Variants in MON2 observed in about 807,000 individuals in gnomAD.
MON2 encodes the protein MON2 regulator of endosome-to-Golgi trafficking.
MON2 carries 84 observed loss-of-function variants against 208.6 expected under a neutral mutation model. The observed-to-expected ratio is 0.40, with a 90% confidence interval of 0.34 to 0.48. The LOEUF (loss-of-function observed/expected upper bound fraction) is 0.48. Ranked by LOEUF, MON2 falls within the 20% of genes least tolerant of loss-of-function variation. MON2 has a pLI of 0.59. For synonymous variants in MON2, 660 were observed against 694.0 expected (o/e 0.95, Z 0.77); for missense variants, 1,611 against 2,015.4 (o/e 0.80, Z 3.84).
At chr12:62,541,605 G>T (rs947556472) in intron 19 of MON2, among the ~76,000 whole-genome samples, 13 of 152,162 alleles carry the variant, frequency 8.5e-5, no homozygotes, top group Admixed American at 7.2e-4. Context: ...TAGCTTAAGT[G>T]ACCTGCCTGA....
Position 62,585,010 on chromosome 12 carries a change from T to C in MON2, c.4700-284T>C, listed in dbSNP as rs1236479327. 2.7e-5 allele frequency among the ~76,000 whole-genome samples: 4 copies of C among 148,342 alleles called. No individual in the cohort carries two copies. The East Asian group carries it at 8.0e-4, about 30-fold the overall frequency. On this transcript the variant is annotated intron_variant, in intron 32 of 34. Coordinates refer to ENST00000393630, the MANE Select transcript of MON2 (RefSeq NM_015026.3). Reference sequence around the variant, plus strand: ...CAAGAAATATGTTGAATAGAAGTGATGAGGATCTTGCCTTGTTTTTGATCT... The same window carrying C: ...CAAGAAATATGTTGAATAGAAGTGACGAGGATCTTGCCTTGTTTTTGATCT...
At chr12:62,526,299 T>C (rs1047331043) in intron 11 of MON2, among the ~76,000 whole-genome samples, 197 bp downstream of exon 11, 1 of 152,150 alleles carries the variant, frequency 6.6e-6, no homozygotes, top group African/African-American at 2.4e-5. Flanking sequence ...GTTTGTAGAC[T>C]AACAGCATTA....
intron 9 of MON2, 38 bp downstream of exon 9, chr12:62,524,677 A>G: frequency 6.3e-7 from 1 of 1,593,850 alleles, no homozygotes. Flanking sequence ...TAGATAGGTT[A>G]ATGTTTATTA....
chr12:62,485,201 C>G (rs2069696265), intron 2 of MON2, among the ~76,000 whole-genome samples: 1 of 152,196 alleles, frequency 6.6e-6, no homozygotes. Flanking sequence ...GTAACCAGTG[C>G]TTGCTTCAGT....
Position 62,580,422 on chromosome 12 carries a change from T to A in MON2, c.4699+2T>A. ...ATTCTCAGTCATCTTCATTTACAGG[T>A]ATGTTAATTTTTTTAAGTATTAAAA... On this transcript the variant is annotated splice_donor_variant, in intron 32 of 34. Coordinates refer to ENST00000393630, the MANE Select transcript of MON2 (RefSeq NM_015026.3). LOFTEE classifies it high-confidence loss of function. 6.3e-7 allele frequency: 1 copy of A among 1,588,896 alleles called. No individual in the cohort carries two copies. Among genetic ancestry groups the A allele is most frequent in the Non-Finnish European group, 8.6e-7 (1 of 1,163,814 alleles).
rs535496590 is a variant in MON2 at position 62,567,899 on chromosome 12, A to G, written c.4323+1449A>G. ...GCTTACTGCTTTATGACTTTTGGCAAATAGACCTATCTGAGCATGTTTCTC... is the reference window on the plus strand; with the variant it reads ...GCTTACTGCTTTATGACTTTTGGCAGATAGACCTATCTGAGCATGTTTCTC... On this transcript the variant is annotated intron_variant, in intron 29 of 34. Transcript: ENST00000393630. Among the ~76,000 whole-genome samples the G allele has an allele frequency of 3.3e-5, 5 of 152,304 alleles. No individual in the cohort carries two copies. The East Asian group carries it at 9.6e-4, about 29-fold the overall frequency.
At chr12:62,507,031 G>T (rs1378989048) in intron 7 of MON2, among the ~76,000 whole-genome samples, 1 of 152,150 alleles carries the variant, frequency 6.6e-6, no homozygotes, top group Admixed American at 6.6e-5. Context: ...TAAAATTTAA[G>T]AATTATTTGC....
In MON2 at chr12:62,487,824, G is replaced by A. The variant is rs573415848; in HGVS notation, c.175+3591G>A. Among the ~76,000 whole-genome samples the A allele has an allele frequency of 9.2e-4, 140 of 152,032 alleles. 1 individual carries two copies. Among genetic ancestry groups the A allele is most frequent in the African/African-American group, 3.1e-3 (128 of 41,502 alleles). ...GATATAAAGATGGGTAATGAAATTC[G>A]CCTCCAGTCTATATGGAAATACAAG... On this transcript the variant is annotated intron_variant, in intron 2 of 34. Coordinates refer to ENST00000393630, the MANE Select transcript of MON2 (RefSeq NM_015026.3).
intron 23 of MON2, among the ~76,000 whole-genome samples, chr12:62,551,326 CTGT>C (rs2073732481): frequency 6.6e-6 from 1 of 152,092 alleles, no homozygotes; most frequent in African/African-American, 2.4e-5. Flanking sequence ...CCTAATTTCA[CTGT>C]TGTTGTATCT....
intron 25 of MON2, among the ~76,000 whole-genome samples, 191 bp downstream of exon 25, chr12:62,556,383 C>T (rs754746701): frequency 5.9e-5 from 9 of 152,084 alleles, no homozygotes; most frequent in Non-Finnish European, 1.3e-4. Flanking sequence ...GCAAAATACA[C>T]GTCATTCTTG....
chr12:62,576,339 A>T (rs554039794), intron 30 of MON2, among the ~76,000 whole-genome samples: 1 of 152,092 alleles, frequency 6.6e-6, no homozygotes, highest in Admixed American at 6.5e-5. Context: ...AGTGACTGCT[A>T]ATGGGTACAG....
rs1470892411 is a variant in MON2 at position 62,600,417 on chromosome 12, C to T, written c.*7668C>T. The T allele has an allele frequency of 6.6e-6, 1 of 152,090 alleles. No homozygotes were observed. Among genetic ancestry groups the T allele is most frequent in the Non-Finnish European group, 1.5e-5 (1 of 68,022 alleles). The allele number at this position is 152,090 out of a possible 1,614,324, so 9.4% of individuals were successfully genotyped here. On this transcript the variant is annotated 3_prime_UTR_variant, in exon 35 of 35. Coordinates refer to ENST00000393630, the MANE Select transcript of MON2 (RefSeq NM_015026.3). ...GCTTATTACAGCTAGTCAAGGAAAC[C>T]GCATATATAAAATAATACTGGATAC...
intron 1 of MON2, among the ~76,000 whole-genome samples, chr12:62,480,404 A>G (rs2069348170): frequency 1.3e-5 from 2 of 152,182 alleles, no homozygotes; most frequent in South Asian, 4.1e-4. Flanking sequence ...ACAAAACAAA[A>G]AACAAAAAAA....
intron 1 of MON2, 59 bp downstream of exon 1, chr12:62,467,377 C>A: frequency 7.4e-7 from 1 of 1,349,800 alleles, no homozygotes. Flanking sequence ...CTGTTAGACT[C>A]AGTGCTTCAC....
At chr12:62,488,539 GA>G (rs1354871218) in intron 2 of MON2, among the ~76,000 whole-genome samples, 2 of 152,126 alleles carry the variant, frequency 1.3e-5, no homozygotes, top group East Asian at 3.9e-4. Context: ...TTGAGTCAGG[GA>G]AGTGACACGT....
intron 1 of MON2, among the ~76,000 whole-genome samples, chr12:62,468,402 A>G (rs2068618290): frequency 6.6e-6 from 1 of 152,164 alleles, no homozygotes; most frequent in Non-Finnish European, 1.5e-5. Context: ...CTTTGCCCTA[A>G]AAATTCACCG....
intron 29 of MON2, among the ~76,000 whole-genome samples, 162 bp downstream of exon 29, chr12:62,566,612 G>A (rs2074394208): frequency 6.6e-6 from 1 of 151,742 alleles, no homozygotes. Flanking sequence ...TATTTAGCAA[G>A]CCATTTTTCT....
At chr12:62,495,869 T>C (rs2136057563) in intron 4 of MON2, among the ~76,000 whole-genome samples, 1 of 152,240 alleles carries the variant, frequency 6.6e-6, no homozygotes, top group Non-Finnish European at 1.5e-5. Context: ...ATTGCATGTA[T>C]GATGGCTAGT....
At chr12:62,524,391 A>C (rs1324156496) in intron 8 of MON2, 124 bp from the exon 9 acceptor site, 1 of 688,432 alleles carries the variant, frequency 1.5e-6, no homozygotes, top group African/African-American at 1.8e-5. Flanking sequence ...CCCCATTAAG[A>C]GTTTGATTTC....
Sources: allele counts gnomAD v4.1 joint callset (sites outside exome capture counted in the v4.1 genomes callset), GRCh38; gene constraint gnomAD v4.1.1; transcripts MANE v1.5; gene names NCBI Gene and HGNC (gene_info 2026-07-23, HGNC 2026-07-21).